Variants in NBEAL1 observed in about 807,000 individuals in gnomAD.
The protein encoded by NBEAL1 is neurobeachin like 1.
A neutral mutation model predicts 351.3 loss-of-function variants in NBEAL1; 273 were observed. That is an observed-to-expected ratio of 0.78 (90% CI 0.70 to 0.86). The LOEUF is 0.86. NBEAL1 is among the 40% of genes least tolerant of loss of function. The pLI is 0.00. For missense variants in NBEAL1, 2,961 were observed against 3,201.3 expected, an observed-to-expected ratio of 0.92 and a Z score of 1.81; for synonymous variants, 1,050 against 1,086.4, an observed-to-expected ratio of 0.97 and a Z score of 0.66.
In NBEAL1 at chr2:203,141,341, GATTATT is replaced by G. The variant is rs1245124579; in HGVS notation, c.4848+2615_4848+2620del. 9.3e-3 allele frequency among the ~76,000 whole-genome samples: 359 copies of G among 38,632 alleles called. 2 individuals carry two copies. The highest frequency in any genetic ancestry group is 0.023 in the East Asian group (28 of 1,236). 25.3% of individuals were successfully genotyped at this position (38,632 alleles called of 152,430 possible). The stretch of plus-strand genomic sequence containing the variant: ...AAGCACAGCACCTACAGATAAGACA[GATTATT>G]ATTATTATTATTATTATTATTTTTT... On this transcript the variant is annotated intron_variant, in intron 31 of 55. Coordinates refer to ENST00000683969, the MANE Select transcript of NBEAL1 (RefSeq NM_001378026.1).
chr2:203,036,850 T>G (rs998372622), intron 2 of NBEAL1, among the ~76,000 whole-genome samples: 3 of 149,222 alleles, frequency 2.0e-5, no homozygotes, highest in Non-Finnish European at 4.5e-5. Flanking sequence ...ATGCATTAAT[T>G]CTTTATGGTG....
chr2:203,157,669 T>C, intron 35 of NBEAL1, 30 bp from the exon 36 acceptor site: 4 of 1,521,354 alleles, frequency 2.6e-6, no homozygotes, highest in Non-Finnish European at 3.5e-6. Flanking sequence ...TTTTACTTTA[T>C]GTTTAATAGA....
intron 2 of NBEAL1, among the ~76,000 whole-genome samples, chr2:203,018,951 T>C (rs1421105377): frequency 1.3e-5 from 2 of 152,244 alleles, no homozygotes; most frequent in Admixed American, 6.5e-5. Flanking sequence ...ATTTTCCCAC[T>C]GTTTGGCTCA....
At chr2:203,028,412 G>A (rs1029239493) in intron 2 of NBEAL1, among the ~76,000 whole-genome samples, 1 of 151,912 alleles carries the variant, frequency 6.6e-6, no homozygotes, top group Non-Finnish European at 1.5e-5. Flanking sequence ...TAACTTAATT[G>A]TAGAATATTT....
At chr2:203,099,870 T>C (rs144191090) in intron 12 of NBEAL1, among the ~76,000 whole-genome samples, 158 bp downstream of exon 12, 119 of 152,242 alleles carry the variant, frequency 7.8e-4, no homozygotes, top group African/African-American at 2.4e-3. Flanking sequence ...ACCCAATAGG[T>C]AGTTTTTCAA....
rs1328628409 is a variant in NBEAL1 at position 203,167,320 on chromosome 2, A to G, written c.5957A>G (p.His1986Arg). 2 of 1,612,644 alleles carry G rather than the reference A, an allele frequency of 1.2e-6. No homozygotes were observed. Among genetic ancestry groups the G allele is most frequent in the East Asian group, 4.5e-5 (2 of 44,748 alleles). Residue 1986 changes from histidine (H) to arginine (R), a missense_variant, in exon 38 of 56, where the codon CAT becomes CGT. By Grantham distance (29) the His-to-Arg change is conservative. Coordinates refer to ENST00000683969, the MANE Select transcript of NBEAL1 (RefSeq NM_001378026.1). ...NLRRSALEIFHVDQSNYFLNF... is the reference protein window; with the variant it reads ...NLRRSALEIFRVDQSNYFLNF... Reference sequence around the variant, plus strand: ...AGAAGATCAGCCCTTGAGATTTTTCATGTTGACCAATCCAACTACTTTCTC... The same window carrying G: ...AGAAGATCAGCCCTTGAGATTTTTCGTGTTGACCAATCCAACTACTTTCTC...
chr2:203,078,711 A>C (rs1039795366), intron 8 of NBEAL1, among the ~76,000 whole-genome samples: 1 of 152,202 alleles, frequency 6.6e-6, no homozygotes, highest in African/African-American at 2.4e-5. Flanking sequence ...ATGTATAAAC[A>C]TGTGTTTTCT....
chr2:203,066,728 C>CGGTA (rs2061594691), intron 6 of NBEAL1, among the ~76,000 whole-genome samples: 1 of 148,502 alleles, frequency 6.7e-6, no homozygotes, highest in Non-Finnish European at 1.5e-5. Flanking sequence ...CACACTTCAC[C>CGGTA]TACCAGACGG....
chr2:203,051,508 T>G (rs932112239), intron 4 of NBEAL1, among the ~76,000 whole-genome samples: 1 of 151,382 alleles, frequency 6.6e-6, no homozygotes, highest in Non-Finnish European at 1.5e-5. Context: ...ATCATGCCAT[T>G]GCACTTCAGC....
chr2:203,193,990 G>T, intron 47 of NBEAL1, 79 bp downstream of exon 47: 1 of 732,756 alleles, frequency 1.4e-6, no homozygotes, highest in South Asian at 2.0e-5. Context: ...TATTTAATGG[G>T]AAGTAAGGAT....
rs1390829243 is a variant in NBEAL1 at position 203,108,167 on chromosome 2, G to C, written c.1928G>C (p.Gly643Ala). 2 of 1,549,458 alleles carry C rather than the reference G, an allele frequency of 1.3e-6. No homozygotes were observed. The highest frequency in any genetic ancestry group is 3.9e-5 in the Admixed American group (2 of 50,840). Reference protein sequence around the residue: ...QLTLGIANKGGKRKQLYSFFT... With the variant: ...QLTLGIANKGAKRKQLYSFFT... ...ACTCTTGGCATTGCTAACAAAGGAG[G>C]GAAAAGGAAACAATTGTACAGGTAT... Residue 643 changes from glycine to alanine, a missense_variant, in exon 14 of 56, where the codon GGG becomes GCG. Coordinates refer to ENST00000683969, the MANE Select transcript of NBEAL1 (RefSeq NM_001378026.1).
chr2:203,056,378 T>C (rs1481542425), intron 4 of NBEAL1, 49 bp from the exon 5 acceptor site: 1 of 983,146 alleles, frequency 1.0e-6, no homozygotes, highest in South Asian at 1.4e-5. Flanking sequence ...TGAACATATG[T>C]TTTGTTCACC....
In NBEAL1 at chr2:203,108,236, T is replaced by C. The variant is rs1044758956; in HGVS notation, c.1949+48T>C. On this transcript the variant is annotated intron_variant, in intron 14 of 55. Transcript: ENST00000683969. ...ATAAATGAATACTGTCATAACAATA[T>C]ATGCTGTGATTCTTAAACAGGAAAA... 9 of 1,344,844 alleles carry C rather than the reference T, an allele frequency of 6.7e-6. No individual in the cohort carries two copies. The African/African-American group carries it at 7.4e-5, about 11-fold the overall frequency. 83.3% of individuals were successfully genotyped at this position (1,344,844 alleles called of 1,614,324 possible).
rs773878279 is a variant in NBEAL1, at chr2:203,180,362, C to G, written c.6465-20C>G. ...TTGATTTCATTCAATATTTACTTCT[C>G]TTTTAATTTCTACATGCAGGTTTGA... On this transcript the variant is annotated intron_variant, in intron 42 of 55. Coordinates refer to ENST00000683969, the MANE Select transcript of NBEAL1 (RefSeq NM_001378026.1). 3.1e-6 allele frequency: 5 copies of G among 1,588,004 alleles called. No homozygotes were observed. The East Asian group carries it at 9.0e-5, about 29-fold the overall frequency.
chr2:203,183,685 T>C (rs567522857), intron 44 of NBEAL1, among the ~76,000 whole-genome samples: 1 of 152,202 alleles, frequency 6.6e-6, no homozygotes, highest in African/African-American at 2.4e-5. Flanking sequence ...CAAGCTGGTG[T>C]AGTTTGGTGT....
chr2:203,032,180 T>C (rs2060959547), intron 2 of NBEAL1, among the ~76,000 whole-genome samples: 1 of 152,174 alleles, frequency 6.6e-6, no homozygotes, highest in Non-Finnish European at 1.5e-5. Context: ...GGTATGACTG[T>C]GTCCTTAGTT....
rs981218938 is a variant in NBEAL1 at position 203,222,284 on chromosome 2, T to C, written c.*4930T>C. Reference sequence around the variant, plus strand: ...GACTTCTCTGTGGAGTTTATAAATATACAGATATGTAGGCACTGCTTTGGA... The same window carrying C: ...GACTTCTCTGTGGAGTTTATAAATACACAGATATGTAGGCACTGCTTTGGA... On this transcript the variant is annotated 3_prime_UTR_variant, in exon 56 of 56. Coordinates refer to ENST00000683969, the MANE Select transcript of NBEAL1 (RefSeq NM_001378026.1). Among the ~76,000 whole-genome samples, 11 of 152,218 alleles carry C rather than the reference T, an allele frequency of 7.2e-5. No homozygotes were observed. The highest frequency in any genetic ancestry group is 2.0e-4 in the Admixed American group (3 of 15,278).
chr2:203,199,467 A>T lies in NBEAL1; in HGVS notation c.7238+20A>T. The T allele has an allele frequency of 7.9e-7, 1 of 1,268,818 alleles. No individual in the cohort carries two copies. Among genetic ancestry groups the T allele is most frequent in the Non-Finnish European group, 1.1e-6 (1 of 869,776 alleles). The allele number at this position is 1,268,818 out of a possible 1,614,324, so 78.6% of individuals were successfully genotyped here. On this transcript the variant is annotated intron_variant, in intron 49 of 55. Transcript: ENST00000683969. ...TCCAAAGTAAGTAAATGAATATGTA[A>T]AGCAAAATAGCTATACCAGATACCT...
At chr2:203,066,479 C>T (rs2061588475) in intron 6 of NBEAL1, among the ~76,000 whole-genome samples, 1 of 152,150 alleles carries the variant, frequency 6.6e-6, no homozygotes, top group Admixed American at 6.5e-5. Flanking sequence ...CAACTTCTTT[C>T]TACACAGACA....
Sources: gnomAD v4.1 joint callset for allele counts (sites outside exome capture counted in the v4.1 genomes callset) on GRCh38, gnomAD v4.1.1 for gene constraint, MANE v1.5 for transcripts, NCBI Gene and HGNC (gene_info 2026-07-23, HGNC 2026-07-21) for gene names.